Variants in TENM2 observed in about 807,000 individuals in gnomAD.
TENM2 encodes teneurin transmembrane protein 2, also known as teneurin-2.
Under a neutral mutation model 245.2 loss-of-function variants are expected in TENM2, and 52 were observed. That is an observed-to-expected ratio of 0.21 (90% CI 0.17 to 0.27). The LOEUF is 0.27. Ranked by LOEUF, TENM2 falls within the 10% of genes least tolerant of loss-of-function variation. TENM2 has a pLI of 1.00. For missense variants in TENM2, 3,046 were observed against 3,666.8 expected, an observed-to-expected ratio of 0.83 and a Z score of 4.37; for synonymous variants, 1,363 against 1,438.9, an observed-to-expected ratio of 0.95 and a Z score of 1.19.
Position 167,603,323 on chromosome 5 carries a change from G to C in TENM2, c.502+227850G>C, listed in dbSNP as rs141227898. Among the ~76,000 whole-genome samples the C allele has an allele frequency of 1.6e-3, 239 of 152,280 alleles. 1 individual carries two copies. The highest frequency in any genetic ancestry group is 6.8e-3 in the Middle Eastern group (2 of 294). On this transcript the variant is annotated intron_variant, in intron 2 of 28. Coordinates refer to ENST00000518659, the Ensembl canonical transcript of TENM2. ...GGGAGGAAATCCGTGTTGGCTTCCA[G>C]ATATCACAGACCATTTCTGGGAGTT...
At chr5:167,105,934 G>C in the TENM2 span, among the ~76,000 whole-genome samples, 2 of 111,714 alleles carry the variant, frequency 1.8e-5, no homozygotes, top group East Asian at 2.8e-4. Flanking sequence ...AAAAGAAAGT[G>C]ATCAAAGGAG....
chr5:167,359,282 C>G (rs376525964), intron 1 of TENM2, among the ~76,000 whole-genome samples: 1 of 152,164 alleles, frequency 6.6e-6, no homozygotes, highest in East Asian at 1.9e-4. Context: ...AAGGTTGTAA[C>G]TTTGCTGCCT....
intron 7 of TENM2, 88 bp downstream of exon 9, chr5:168,062,353 C>A: frequency 9.9e-7 from 1 of 1,008,954 alleles, no homozygotes; most frequent in Non-Finnish European, 1.5e-6. Flanking sequence ...ACATCCACTA[C>A]AATGCCTATA....
intron 12 of TENM2, among the ~76,000 whole-genome samples, chr5:168,134,531 C>CA (rs1175896901): frequency 1.3e-5 from 2 of 151,830 alleles, no homozygotes; most frequent in African/African-American, 2.4e-5. Flanking sequence ...ACTAAAAATA[C>CA]AAAAAATTAG....
At position 167,423,891 on chromosome 5, in the gene TENM2, G is replaced by A. The variant is rs573363063; in HGVS notation, c.502+48418G>A. ...GCCTTTCTTCCCACTGGAGACCATC[G>A]ACCATGGCGAAGCAACCTCCTCAAC... is the stretch of plus-strand genomic sequence containing the variant. On this transcript the variant is annotated intron_variant, in intron 2 of 28. Coordinates refer to ENST00000518659, the Ensembl canonical transcript of TENM2. 9.9e-5 allele frequency among the ~76,000 whole-genome samples: 15 copies of A among 152,164 alleles called. No homozygotes were observed. The South Asian group carries it at 1.5e-3, about 15-fold the overall frequency.
intron 2 of TENM2, among the ~76,000 whole-genome samples, chr5:167,442,095 C>G (rs952229985): frequency 6.6e-6 from 1 of 152,042 alleles, no homozygotes; most frequent in South Asian, 2.1e-4. Flanking sequence ...TTTTCTCCAC[C>G]ATGAAATCTT....
At chr5:167,277,880 T>G in the TENM2 span, among the ~76,000 whole-genome samples, 1 of 152,316 alleles carries the variant, frequency 6.6e-6, no homozygotes. Flanking sequence ...TCTAGTAATT[T>G]CTTTGCCTGT....
intron 2 of TENM2, among the ~76,000 whole-genome samples, chr5:167,549,568 A>C (rs898654217): frequency 1.3e-5 from 2 of 152,146 alleles, no homozygotes; most frequent in Non-Finnish European, 2.9e-5. Flanking sequence ...AAGCAGCCTA[A>C]AAACAATGAG....
chr5:167,364,694 A>G (rs1759934860), intron 1 of TENM2, among the ~76,000 whole-genome samples: 1 of 152,110 alleles, frequency 6.6e-6, no homozygotes, highest in Non-Finnish European at 1.5e-5. Flanking sequence ...AGACTTTAAG[A>G]TCACGAGAAT....
intron 2 of TENM2, among the ~76,000 whole-genome samples, chr5:167,614,421 A>T (rs1406721508): frequency 2.0e-5 from 3 of 152,026 alleles, no homozygotes; most frequent in Non-Finnish European, 4.4e-5. Flanking sequence ...TCATTCAGTG[A>T]GGTGGTAGTA....
intron 7 of TENM2, among the ~76,000 whole-genome samples, chr5:168,080,297 T>C (rs1410483323): frequency 1.3e-5 from 2 of 152,236 alleles, no homozygotes; most frequent in Non-Finnish European, 2.9e-5. Context: ...CATTTTGTAT[T>C]GCATCTATTT....
intron 15 of TENM2, among the ~76,000 whole-genome samples, chr5:168,197,455 C>T (rs1246566502): frequency 6.6e-6 from 1 of 152,142 alleles, no homozygotes; most frequent in Non-Finnish European, 1.5e-5. Context: ...AATCCCAGCA[C>T]CTTGGGAGGC....
intron 2 of TENM2, among the ~76,000 whole-genome samples, chr5:167,825,419 A>G (rs1202338705): frequency 6.6e-6 from 1 of 152,188 alleles, no homozygotes; most frequent in African/African-American, 2.4e-5. Flanking sequence ...TGGTTCCATG[A>G]ACATCTTTTG....
chr5:167,535,918 G>A (rs1050927221), intron 2 of TENM2, among the ~76,000 whole-genome samples: 3 of 152,210 alleles, frequency 2.0e-5, no homozygotes, highest in African/African-American at 7.2e-5. Flanking sequence ...GCTTATGGTT[G>A]TGCAGGGCAC....
the TENM2 span, among the ~76,000 whole-genome samples, chr5:167,097,342 C>A: frequency 6.6e-6 from 1 of 152,136 alleles, no homozygotes; most frequent in African/African-American, 2.4e-5. Flanking sequence ...TTGATGCTGC[C>A]ATCACCAATA....
the TENM2 span, among the ~76,000 whole-genome samples, chr5:167,231,506 T>A: frequency 1.4e-4 from 21 of 152,014 alleles, no homozygotes; most frequent in Admixed American, 1.2e-3. Flanking sequence ...CTAGAGATCT[T>A]TGGAACTTTG....
chr5:167,089,376 T>C, the TENM2 span, among the ~76,000 whole-genome samples: 5 of 152,282 alleles, frequency 3.3e-5, no homozygotes, highest in East Asian at 7.7e-4. Flanking sequence ...TTAAGCAAAA[T>C]AGGCAAAACA....
At chr5:167,407,565 C>T (rs1762701610) in intron 2 of TENM2, among the ~76,000 whole-genome samples, 1 of 152,170 alleles carries the variant, frequency 6.6e-6, no homozygotes, top group South Asian at 2.1e-4. Flanking sequence ...TGCCCGTAAT[C>T]CCAGCACTTT....
At chr5:167,954,282 CTT>C (rs1351429464) in intron 4 of TENM2, among the ~76,000 whole-genome samples, 2 of 152,126 alleles carry the variant, frequency 1.3e-5, no homozygotes, top group Non-Finnish European at 2.9e-5. Flanking sequence ...CTGTTTGACT[CTT>C]AATCCAAACT....
Sources: gnomAD v4.1 joint callset for allele counts (sites outside exome capture counted in the v4.1 genomes callset) on GRCh38, gnomAD v4.1.1 for gene constraint, MANE v1.5 for transcripts, NCBI Gene and HGNC (gene_info 2026-07-23, HGNC 2026-07-21) for gene names.